The following GTSE1 variants were observed in gnomAD, a reference collection of about 807,000 sequenced individuals.
The protein encoded by GTSE1 is G2 and S phase-expressed protein 1.
GTSE1 carries 52 observed loss-of-function variants against 60.5 expected under a neutral mutation model. The observed-to-expected ratio is 0.86, with a 90% CI of 0.69 to 1.08. The LOEUF (loss-of-function observed/expected upper bound fraction) is 1.08. GTSE1 is among the 50% of genes least tolerant of loss of function. GTSE1 has a pLI of 0.00. For missense variants in GTSE1, 937 were observed against 961.8 expected, an observed-to-expected ratio of 0.97 and a Z score of 0.34; for synonymous variants, 368 against 386.5, an observed-to-expected ratio of 0.95 and a Z score of 0.56.
Position 46,318,219 on chromosome 22 carries a change from A to C in GTSE1, c.1432+1807A>C, listed in dbSNP as rs2077792196. ...TGCAGAAAGTTCTCAGAGCTGACTT[A>C]AGGTGAGAGGAGCGTCCTGGCCTCC... On this transcript the variant is annotated intron_variant, in intron 7 of 11. Transcript: ENST00000454366. The surrounding 1 kb of genome is among the most constrained non-coding windows in gnomAD (Gnocchi z 4.8). 6.6e-6 allele frequency among the ~76,000 whole-genome samples: 1 copy of C among 152,152 alleles called. No homozygotes were observed. The highest frequency in any genetic ancestry group is 2.1e-4 in the South Asian group (1 of 4,830).
Position 46,329,480 on chromosome 22 carries a change from A to G in GTSE1, c.2049A>G (p.Gly683=). ...CCCCAGAAGCACACGTGGCTGTAGG[A>G]TCTGAAAGCAGGCCTCTGATCGACC... ...CDTPEAHVAV[G]SESRPLIDLM... is the part of the protein sequence containing the mutation. The change falls in exon 11 of 12, where the codon GGA becomes GGG. Residue 683 remains glycine (G), a synonymous_variant. Coordinates refer to ENST00000454366, the MANE Select transcript of GTSE1 (RefSeq NM_016426.7). The surrounding 1 kb of genome is among the most constrained non-coding windows in gnomAD (Gnocchi z 6.4). The G allele has an allele frequency of 1.2e-6, 2 of 1,614,186 alleles. No individual in the cohort carries two copies. The highest frequency in any genetic ancestry group is 1.7e-5 in the Admixed American group (1 of 60,022).
chr22:46,308,166 C>A lies in GTSE1; in HGVS notation c.96C>A (p.Ala32=), dbSNP rs527357378. ...TCCCTCTAGACATTCTTCTTTTGGC[C>A]GATGAAAAATTTGACTTCGATCTTT... ...DPKKEDILLL[A]DEKFDFDLSL... The change falls in exon 3 of 12, where the codon GCC becomes GCA. Residue 32 remains alanine (A), a synonymous_variant. Transcript: ENST00000454366. 39 of 1,611,808 alleles carry A rather than the reference C, an allele frequency of 2.4e-5. No individual in the cohort carries two copies. The highest frequency in any genetic ancestry group is 1.6e-4 in the Middle Eastern group (1 of 6,074).
In GTSE1 at chr22:46,309,063, A is replaced by C; in HGVS notation, c.762+120A>C. The C allele has an allele frequency of 9.1e-7, 1 of 1,100,072 alleles. No individual in the cohort carries two copies. The highest frequency in any genetic ancestry group is 1.3e-6 in the Non-Finnish European group (1 of 782,008). 68.1% of individuals were successfully genotyped at this position (1,100,072 alleles called of 1,614,324 possible). On this transcript the variant is annotated intron_variant, in intron 4 of 11. Coordinates refer to ENST00000454366, the MANE Select transcript of GTSE1 (RefSeq NM_016426.7). The surrounding 1 kb of genome is among the most constrained non-coding windows in gnomAD (Gnocchi z 6.2). ...CGAGTCTCTGAGGCCTACAAAACAC[A>C]GGAATGCGGAGTCCAGGAAAAGCAG...
rs1304309522 is a variant in GTSE1 at position 46,297,339 on chromosome 22, C to G, written c.-21-41C>G. 1 of 1,137,412 alleles carries G rather than the reference C, an allele frequency of 8.8e-7. No homozygotes were observed. Among genetic ancestry groups the G allele is most frequent in the Non-Finnish European group, 1.3e-6 (1 of 746,932 alleles). 70.5% of individuals were successfully genotyped at this position (1,137,412 alleles called of 1,614,324 possible). On this transcript the variant is annotated intron_variant, in intron 1 of 11. Transcript: ENST00000454366. The surrounding 1 kb of genome is among the most constrained non-coding windows in gnomAD (Gnocchi z 4.9). Reference sequence around the variant, plus strand: ...GCTGAAGGAAGCCGGAGCCCTGGGCCCTGACACGTACTCACTTTCTGGCCC... The same window carrying G: ...GCTGAAGGAAGCCGGAGCCCTGGGCGCTGACACGTACTCACTTTCTGGCCC...
At chr22:46,308,253 C>A (rs1209246467) in intron 3 of GTSE1, 46 bp downstream of exon 3, 2 of 1,602,732 alleles carry the variant, frequency 1.2e-6, no homozygotes, top group African/African-American at 2.7e-5. Flanking sequence ...TAACCACATT[C>A]AGTAAAGTCT....
At chr22:46,307,517 T>C (rs1189146581) in intron 2 of GTSE1, among the ~76,000 whole-genome samples, 1 of 151,954 alleles carries the variant, frequency 6.6e-6, no homozygotes, top group African/African-American at 2.4e-5. Context: ...ATTTCTTTTT[T>C]TTTTGAGACA....
intron 8 of GTSE1, among the ~76,000 whole-genome samples, chr22:46,323,510 G>A (rs1384660596): frequency 6.6e-6 from 1 of 152,184 alleles, no homozygotes; most frequent in African/African-American, 2.4e-5. Flanking sequence ...TGCCATGCCA[G>A]GCTGCACAGC....
At position 46,308,340 on chromosome 22, in the gene GTSE1, C is replaced by A. The variant is rs113631143; in HGVS notation, c.159C>A (p.Val53=). The A allele has an allele frequency of 1.9e-6, 3 of 1,613,292 alleles. No individual in the cohort carries two copies. Among genetic ancestry groups the A allele is most frequent in the African/African-American group, 2.7e-5 (2 of 74,996 alleles). Residue 53 remains valine, a synonymous_variant, in exon 4 of 12, where the codon GTC becomes GTA. Transcript: ENST00000454366. ...ATAGTGCAAATGAAGATGATGAAGT[C>A]TTCTTCGGACCCTTTGGACATAAAG... ...SSSSANEDDE[V]FFGPFGHKER... is the part of the protein sequence containing the mutation.
Position 46,313,813 on chromosome 22 carries a change from C to G in GTSE1, c.928-77C>G, listed in dbSNP as rs569266753. The G allele has an allele frequency of 1.9e-6, 3 of 1,561,020 alleles. No homozygotes were observed. In the South Asian group the frequency reaches 3.4e-5, roughly 17 times the overall value. ...TGAGCCACCGTGCCCAGCCAAAAAC[C>G]CCTTACTTTTGCAGACACAAGTAAT... On this transcript the variant is annotated intron_variant, in intron 5 of 11. Transcript: ENST00000454366. The surrounding 1 kb of genome is among the most constrained non-coding windows in gnomAD (Gnocchi z 4.4).
intron 8 of GTSE1, among the ~76,000 whole-genome samples, chr22:46,325,596 A>T (rs2147832885): frequency 6.6e-6 from 1 of 152,340 alleles, no homozygotes; most frequent in African/African-American, 2.4e-5. Context: ...CCTGGGTTCA[A>T]GTGATCCTCA....
At chr22:46,305,285 AG>A (rs1335126194) in intron 2 of GTSE1, among the ~76,000 whole-genome samples, 25 of 152,206 alleles carry the variant, frequency 1.6e-4, no homozygotes, top group African/African-American at 5.3e-4. Flanking sequence ...TTCTGGAGTC[AG>A]TTTTATAAAT....
intron 4 of GTSE1, among the ~76,000 whole-genome samples, chr22:46,311,374 G>A (rs776466581): frequency 6.6e-6 from 1 of 152,124 alleles, no homozygotes; most frequent in Non-Finnish European, 1.5e-5. Flanking sequence ...CACTGCACCC[G>A]GCCGAGTACA....
rs763557911 is a variant in GTSE1 at position 46,308,577 on chromosome 22, G to A, written c.396G>A (p.Gln132=). The change falls in exon 4 of 12, where the codon CAG becomes CAA. Residue 132 remains glutamine, a synonymous_variant. Coordinates refer to ENST00000454366, the MANE Select transcript of GTSE1 (RefSeq NM_016426.7). ...CCAAGCCTGAAGACCCTCGGAGCCA[G>A]GGCGTGGAAAGATTCATACAGGAGT... ...QAAKPEDPRS[Q]GVERFIQESK... 1.2e-6 allele frequency: 2 copies of A among 1,614,200 alleles called. No homozygotes were observed. The highest frequency in any genetic ancestry group is 2.2e-5 in the East Asian group (1 of 44,884).
At position 46,324,245 on chromosome 22, in the gene GTSE1, A is replaced by G. The variant is rs1601916377; in HGVS notation, c.1505+983A>G. ...TGCTAAGCTGCCGTCCCTCCCATGC[A>G]TGGTGGTGAAGAGCAAAGACCAGAG... On this transcript the variant is annotated intron_variant, in intron 8 of 11. Coordinates refer to ENST00000454366, the MANE Select transcript of GTSE1 (RefSeq NM_016426.7). The surrounding 1 kb of genome is among the most constrained non-coding windows in gnomAD (Gnocchi z 5.2). Among the ~76,000 whole-genome samples, 2 of 152,186 alleles carry G rather than the reference A, an allele frequency of 1.3e-5. No individual in the cohort carries two copies. The highest frequency in any genetic ancestry group is 4.8e-5 in the African/African-American group (2 of 41,452).
At position 46,328,846 on chromosome 22, in the gene GTSE1, C is replaced by T; in HGVS notation, c.1883C>T (p.Ala628Val). 6.2e-7 allele frequency: 1 copy of T among 1,613,968 alleles called. No individual in the cohort carries two copies. Among genetic ancestry groups the T allele is most frequent in the Non-Finnish European group, 8.5e-7 (1 of 1,180,002 alleles). ...TCCAAAAGTACTGCCACAGAAGTAG[C>T]TCGGGAGGAAGCCAAGCCGGGTGGA... The part of the protein sequence containing the change: ...TFSKSTATEV[A>V]REEAKPGGDA... The change falls in exon 10 of 12, where the codon GCT (alanine) becomes GTT (valine). Residue 628 changes from alanine (A) to valine (V), a missense_variant. Ala to Val is a moderately conservative substitution (Grantham distance 64). Coordinates refer to ENST00000454366, the MANE Select transcript of GTSE1 (RefSeq NM_016426.7).
In GTSE1 at chr22:46,320,322, CCT is replaced by C. The variant is rs1336852184; in HGVS notation, c.1433-2862_1433-2861del. On this transcript the variant is annotated intron_variant, in intron 7 of 11. Transcript: ENST00000454366. The surrounding 1 kb of genome is among the most constrained non-coding windows in gnomAD (Gnocchi z 7.1). ...ATTTCACCTTCGGCAGGCGGTTCCTCCTCTCTCCACAATGCTGGGAACAGGAC... is the reference window on the plus strand; with the variant it reads ...ATTTCACCTTCGGCAGGCGGTTCCTCCTCTCCACAATGCTGGGAACAGGAC... Among the ~76,000 whole-genome samples the C allele has an allele frequency of 6.6e-6, 1 of 152,212 alleles. No individual in the cohort carries two copies. The highest frequency in any genetic ancestry group is 6.5e-5 in the Admixed American group (1 of 15,284).
In GTSE1 at chr22:46,316,435, T is replaced by C. The variant is rs193100930; in HGVS notation, c.1432+23T>C. The C allele has an allele frequency of 3.6e-4, 490 of 1,359,788 alleles. 3 individuals carry two copies. The African/African-American group carries it at 4.7e-3, about 13-fold the overall frequency. 84.2% of individuals were successfully genotyped at this position (1,359,788 alleles called of 1,614,324 possible). A position where few individuals can be genotyped will look rare whatever the true frequency, so the allele number is the denominator to read the frequency against. On this transcript the variant is annotated intron_variant, in intron 7 of 11. Coordinates refer to ENST00000454366, the MANE Select transcript of GTSE1 (RefSeq NM_016426.7). The surrounding 1 kb of genome is among the most constrained non-coding windows in gnomAD (Gnocchi z 5.0). ...TTGGTGAGTAATAGATACATTTTAA[T>C]GTGTCTTTAAAAAATACTGAAGAAA...
chr22:46,328,954 G>A (rs766996357), intron 10 of GTSE1, 65 bp downstream of exon 10: 12 of 1,298,232 alleles, frequency 9.2e-6, no homozygotes, highest in African/African-American at 2.9e-5. Flanking sequence ...CGGGAAGCCC[G>A]TGGAACCCAG....
At chr22:46,311,048 A>G (rs1032005178) in intron 4 of GTSE1, among the ~76,000 whole-genome samples, 4 of 151,114 alleles carry the variant, frequency 2.6e-5, no homozygotes, top group African/African-American at 9.8e-5. Flanking sequence ...GAGAACCGCT[A>G]ATGGGTACAG....
Sources: gnomAD v4.1 joint callset for allele counts (sites outside exome capture counted in the v4.1 genomes callset) on GRCh38, gnomAD v4.1.1 for gene constraint, Gnocchi (gnomAD v3.1) non-coding constraint, MANE v1.5 for transcripts, NCBI Gene and HGNC (gene_info 2026-07-23, HGNC 2026-07-21) for gene names.